The following GALNTL6 variants were observed in gnomAD, a reference collection of about 807,000 sequenced individuals.
GALNTL6 encodes the protein polypeptide N-acetylgalactosaminyltransferase like 6.
A neutral mutation model predicts 73.7 loss-of-function variants in GALNTL6; 46 were observed. The ratio of observed to expected loss-of-function variants is 0.62; its 90% confidence interval spans 0.49 to 0.80. GALNTL6 has a LOEUF of 0.80. GALNTL6 is among the 30% of genes least tolerant of loss of function. The pLI is 0.00. For synonymous variants in GALNTL6, 259 were observed against 263.7 expected, an observed-to-expected ratio of 0.98 and a Z score of 0.17; for missense variants, 604 against 755.0, an observed-to-expected ratio of 0.80 and a Z score of 2.34.
At chr4:172,474,736 T>C (rs1733172203) in intron 5 of GALNTL6, among the ~76,000 whole-genome samples, 1 of 152,216 alleles carries the variant, frequency 6.6e-6, no homozygotes, top group South Asian at 2.1e-4. Context: ...AAATAGTTCT[T>C]GTTTTATATT....
intron 2 of GALNTL6, among the ~76,000 whole-genome samples, chr4:172,176,675 G>C (rs1300473670): frequency 2.6e-5 from 4 of 152,056 alleles, no homozygotes; most frequent in Non-Finnish European, 5.9e-5. Context: ...TGTAGTTCTA[G>C]CTACTGTGCA....
chr4:172,433,505 A>C (rs1731530253), intron 5 of GALNTL6, among the ~76,000 whole-genome samples: 1 of 38,106 alleles, frequency 2.6e-5, no homozygotes, highest in South Asian at 1.0e-3. Context: ...ATTTGCGAAG[A>C]TGATCATCTT....
intron 5 of GALNTL6, among the ~76,000 whole-genome samples, chr4:172,411,543 G>A (rs1356687110): frequency 2.6e-5 from 4 of 151,902 alleles, no homozygotes; most frequent in Admixed American, 2.0e-4. Context: ...CATATTACAT[G>A]GAAGACCAGA....
chr4:172,037,151 G>C (rs1741949901), intron 2 of GALNTL6, among the ~76,000 whole-genome samples: 1 of 152,150 alleles, frequency 6.6e-6, no homozygotes, highest in East Asian at 1.9e-4. Context: ...AAGATAACGG[G>C]CCCAGTGCCC....
At chr4:172,322,097 A>G (rs1009009010) in intron 4 of GALNTL6, among the ~76,000 whole-genome samples, 2 of 152,184 alleles carry the variant, frequency 1.3e-5, no homozygotes, top group African/African-American at 4.8e-5. Context: ...CTGCACGCAG[A>G]CAGCCCACCC....
chr4:172,928,975 T>G (rs1748193449), intron 8 of GALNTL6, among the ~76,000 whole-genome samples: 1 of 152,220 alleles, frequency 6.6e-6, no homozygotes, highest in Admixed American at 6.5e-5. Context: ...CTTCCTGCTG[T>G]GGAAGAGTTG....
At chr4:172,628,106 T>A (rs1401172550) in intron 5 of GALNTL6, among the ~76,000 whole-genome samples, 1 of 152,154 alleles carries the variant, frequency 6.6e-6, no homozygotes, top group Non-Finnish European at 1.5e-5. Context: ...AAAACTGTCA[T>A]GCACCCTCAT....
At chr4:171,972,232 G>A (rs1359182281) in intron 2 of GALNTL6, among the ~76,000 whole-genome samples, 1 of 152,040 alleles carries the variant, frequency 6.6e-6, no homozygotes, top group Non-Finnish European at 1.5e-5. Flanking sequence ...TGTGCATATA[G>A]CACATTAGTA....
chr4:171,851,069 T>G (rs1735510924), intron 2 of GALNTL6, among the ~76,000 whole-genome samples: 1 of 152,188 alleles, frequency 6.6e-6, no homozygotes, highest in Non-Finnish European at 1.5e-5. Context: ...AGTGTATAAT[T>G]CACAAGACAA....
chr4:173,005,488 G>T (rs913636621), intron 10 of GALNTL6, among the ~76,000 whole-genome samples: 3 of 151,264 alleles, frequency 2.0e-5, no homozygotes, highest in African/African-American at 7.3e-5. Context: ...AGCCCATGTT[G>T]AAAAAATATG....
At chr4:172,097,837 G>A (rs1019466009) in intron 2 of GALNTL6, among the ~76,000 whole-genome samples, 5 of 152,096 alleles carry the variant, frequency 3.3e-5, no homozygotes, top group East Asian at 1.9e-4. Flanking sequence ...CCTTCCCAAC[G>A]TCAGTCAGCA....
chr4:171,864,467 A>G lies in GALNTL6; in HGVS notation c.138+49749A>G, dbSNP rs567338646. On this transcript the variant is annotated intron_variant, in intron 2 of 12. Transcript: ENST00000506823. ...TCAGAAATTTTATTTCAGGGTACAT[A>G]CAGATTAAACAAGAAGGTATGTCTA... is the stretch of plus-strand genomic sequence containing the variant. Among the ~76,000 whole-genome samples the G allele has an allele frequency of 2.6e-5, 4 of 152,330 alleles. No homozygotes were observed. In the South Asian group the frequency reaches 8.3e-4, roughly 32 times the overall value.
chr4:172,100,855 ACTTACGAGTC>A (rs1322616381), intron 2 of GALNTL6, among the ~76,000 whole-genome samples: 1 of 152,158 alleles, frequency 6.6e-6, no homozygotes, highest in Non-Finnish European at 1.5e-5. Context: ...TTTTCTGGGA[ACTTACGAGTC>A]CTAGCTCATA....
intron 3 of GALNTL6, among the ~76,000 whole-genome samples, chr4:172,259,889 GT>G (rs908372996): frequency 9.9e-5 from 15 of 151,536 alleles, no homozygotes; most frequent in African/African-American, 3.6e-4. Context: ...TTATGTTTTT[GT>G]TTGCTGTGTC....
chr4:172,711,317 A>G (rs1734690142), intron 5 of GALNTL6, among the ~76,000 whole-genome samples: 1 of 152,170 alleles, frequency 6.6e-6, no homozygotes, highest in African/African-American at 2.4e-5. Context: ...GTAAACGTAT[A>G]GAGATTACTG....
intron 2 of GALNTL6, among the ~76,000 whole-genome samples, chr4:171,862,146 T>G (rs1735845987): frequency 1.3e-5 from 2 of 152,178 alleles, no homozygotes. Flanking sequence ...AGTTCTATAC[T>G]ATGGCAATTT....
intron 2 of GALNTL6, among the ~76,000 whole-genome samples, chr4:172,123,046 A>G (rs909494142): frequency 1.4e-4 from 22 of 152,308 alleles, no homozygotes; most frequent in Non-Finnish European, 2.6e-4. Flanking sequence ...AGATGGAAAA[A>G]TCTTTCCAGG....
At chr4:172,409,511 C>T (rs190244151) in intron 5 of GALNTL6, among the ~76,000 whole-genome samples, 53 of 152,008 alleles carry the variant, frequency 3.5e-4, no homozygotes, top group African/African-American at 1.2e-3. Flanking sequence ...GGTACTTGTT[C>T]TTAGTCTAAT....
In GALNTL6 at chr4:171,884,284, C is replaced by T. The variant is rs1030717651; in HGVS notation, c.138+69566C>T. On this transcript the variant is annotated intron_variant, in intron 2 of 12. Transcript: ENST00000506823. ...CATTGAAAGATCTCATGCTTAGACT[C>T]AACATTTTTTAATAGGAAGAATAAA... 5.3e-5 allele frequency among the ~76,000 whole-genome samples: 8 copies of T among 152,056 alleles called. 1 individual carries two copies. Among genetic ancestry groups the T allele is most frequent in the Admixed American group, 3.9e-4 (6 of 15,270 alleles).
Sources: gnomAD v4.1 joint callset for allele counts (sites outside exome capture counted in the v4.1 genomes callset) on GRCh38, gnomAD v4.1.1 for gene constraint, MANE v1.5 for transcripts, NCBI Gene and HGNC (gene_info 2026-07-23, HGNC 2026-07-21) for gene names.